The following PLXNA4 variants were observed in gnomAD, a reference collection of about 807,000 sequenced individuals.
PLXNA4 encodes plexin A4.
Under a neutral mutation model 191.8 loss-of-function variants are expected in PLXNA4, and 44 were observed. The ratio of observed to expected loss-of-function variants is 0.23; its 90% CI spans 0.18 to 0.29. PLXNA4 has a LOEUF of 0.29. Ranked by LOEUF, PLXNA4 falls within the 10% of genes least tolerant of loss-of-function variation. The probability of loss-of-function intolerance (pLI) is 1.00; values close to 1 mark genes in which losing one functional copy is unlikely to be tolerated. For missense variants in PLXNA4, 1,800 were observed against 2,488.8 expected (o/e 0.72, Z 5.89); for synonymous variants, 1,082 against 1,009.5 (o/e 1.07, Z -1.36).
At chr7:132,364,349 C>T (rs1040949052) in intron 3 of PLXNA4, among the ~76,000 whole-genome samples, 1 of 152,188 alleles carries the variant, frequency 6.6e-6, no homozygotes, top group African/African-American at 2.4e-5. Context: ...TTTCTTTGTT[C>T]CCCAAAGCTC....
intron 3 of PLXNA4, among the ~76,000 whole-genome samples, chr7:132,337,526 T>A (rs1001289756): frequency 6.6e-6 from 1 of 152,220 alleles, no homozygotes; most frequent in Non-Finnish European, 1.5e-5. Context: ...ATGCCACCAG[T>A]AAAGCCCTCC....
chr7:132,330,914 AG>A (rs1464866814), intron 3 of PLXNA4, among the ~76,000 whole-genome samples: 1 of 152,224 alleles, frequency 6.6e-6, no homozygotes, highest in African/African-American at 2.4e-5. Flanking sequence ...AGGCTGACCA[AG>A]GGCAGGAACA....
At chr7:132,303,508 G>T (rs1213698567) in intron 3 of PLXNA4, among the ~76,000 whole-genome samples, 1 of 152,120 alleles carries the variant, frequency 6.6e-6, no homozygotes, top group Non-Finnish European at 1.5e-5. Context: ...GGCGGAGGTT[G>T]CAGTCAGCCA....
intron 1 of PLXNA4, among the ~76,000 whole-genome samples, chr7:132,536,233 T>C (rs1411414692): frequency 2.0e-5 from 3 of 152,220 alleles, no homozygotes; most frequent in Non-Finnish European, 4.4e-5. Flanking sequence ...TTTGCGGTTA[T>C]TATTGCCATC....
chr7:132,129,080 TGCCAAG>T lies in PLXNA4; in HGVS notation c.*1393_*1398del, dbSNP rs1455157117. On this transcript the variant is annotated 3_prime_UTR_variant, in exon 32 of 32. Coordinates refer to ENST00000321063, the MANE Select transcript of PLXNA4 (RefSeq NM_020911.2). ...ATGTAAGAACAGATGGGGAGATGGA[TGCCAAG>T]GCCAAGGTCATTTGTATGTCCCTCT... The T allele has an allele frequency of 2.0e-5, 3 of 152,258 alleles. No homozygotes were observed. The highest frequency in any genetic ancestry group is 4.4e-5 in the Non-Finnish European group (3 of 68,050). The allele number at this position is 152,258 out of a possible 1,614,324, so 9.4% of individuals were successfully genotyped here.
chr7:132,180,500 C>A, intron 19 of PLXNA4, 86 bp downstream of exon 19: 3 of 1,573,376 alleles, frequency 1.9e-6, no homozygotes, highest in Non-Finnish European at 2.6e-6. Context: ...GGGACAGAAT[C>A]CCCTCTTGGA....
Position 132,124,375 on chromosome 7 carries a change from T to C in PLXNA4, c.*6104A>G, listed in dbSNP as rs1794714121. ...GTGCCTGGATTGCGGCTGACTTCTG[T>C]GCACGAAAGTGTTCCTTAGTCCTGT... On this transcript the variant is annotated 3_prime_UTR_variant, in exon 32 of 32. Coordinates refer to ENST00000321063, the MANE Select transcript of PLXNA4 (RefSeq NM_020911.2). 1 of 152,214 alleles carries C rather than the reference T, an allele frequency of 6.6e-6. No individual in the cohort carries two copies. The highest frequency in any genetic ancestry group is 6.5e-5 in the Admixed American group (1 of 15,278). The allele number at this position is 152,214 out of a possible 1,614,324, so 9.4% of individuals were successfully genotyped here. A position where few individuals can be genotyped will look rare whatever the true frequency, so the allele number is the denominator to read the frequency against.
intron 4 of PLXNA4, among the ~76,000 whole-genome samples, chr7:132,243,478 C>A (rs1031809728): frequency 5.9e-5 from 9 of 152,170 alleles, no homozygotes; most frequent in Admixed American, 2.6e-4. Flanking sequence ...ATCTGAAATT[C>A]TCAAAAACCT....
At chr7:132,444,016 T>C (rs277494) in intron 3 of PLXNA4, among the ~76,000 whole-genome samples, 137,547 of 152,230 alleles carry the variant, frequency 0.9, 62,404 homozygotes, top group East Asian at 1. Context: ...GTTCTTTCTC[T>C]GCAAATGCCT....
chr7:132,646,477 G>A (rs76133028), intron 1 of PLXNA4, among the ~76,000 whole-genome samples: 13,201 of 152,094 alleles, frequency 0.087, 981 homozygotes, highest in East Asian at 0.35. Context: ...GTTTAGATAC[G>A]GTCATGACAG....
chr7:132,357,514 G>A lies in PLXNA4; in HGVS notation c.1372-59292C>T, dbSNP rs546503226. Among the ~76,000 whole-genome samples, 73 of 152,274 alleles carry A rather than the reference G, an allele frequency of 4.8e-4. 1 individual carries two copies. The highest frequency in any genetic ancestry group is 1.7e-3 in the African/African-American group (69 of 41,542). ...AGTGCAATAGTTTGGTCCTGAATCC[G>A]TGTTCAGTTTGGAATCTTAAGAGAC... On this transcript the variant is annotated intron_variant, in intron 3 of 31. Transcript: ENST00000321063.
intron 3 of PLXNA4, among the ~76,000 whole-genome samples, chr7:132,305,554 C>T (rs773615156): frequency 6.6e-6 from 1 of 152,194 alleles, no homozygotes; most frequent in Non-Finnish European, 1.5e-5. Context: ...ATCCCTGGCA[C>T]GGTGAGTCTC....
intron 3 of PLXNA4, among the ~76,000 whole-genome samples, chr7:132,389,579 G>A (rs1487815541): frequency 2.6e-5 from 4 of 152,168 alleles, no homozygotes; most frequent in Non-Finnish European, 4.4e-5. Flanking sequence ...GATGGTTGTA[G>A]ATGTGTGGAA....
intron 3 of PLXNA4, among the ~76,000 whole-genome samples, chr7:132,418,616 C>T (rs972062191): frequency 6.6e-6 from 1 of 152,216 alleles, no homozygotes; most frequent in African/African-American, 2.4e-5. Flanking sequence ...TGGGCACCGC[C>T]TGGAGAAAGG....
At chr7:132,271,723 G>A (rs551628104) in intron 4 of PLXNA4, among the ~76,000 whole-genome samples, 5 of 152,250 alleles carry the variant, frequency 3.3e-5, no homozygotes, top group Non-Finnish European at 2.9e-5. Context: ...ATTCAACAGA[G>A]ACCATGGGAT....
intron 4 of PLXNA4, among the ~76,000 whole-genome samples, chr7:132,252,863 T>C: frequency 6.6e-6 from 1 of 152,192 alleles, no homozygotes. Flanking sequence ...TCGTGGCACA[T>C]CTACACTCTA....
chr7:132,228,590 G>T, intron 5 of PLXNA4, 121 bp from the exon 6 acceptor site: 1 of 1,298,716 alleles, frequency 7.7e-7, no homozygotes, highest in Non-Finnish European at 1.0e-6. Flanking sequence ...TGCGCCCAGA[G>T]CTAACCTTTT....
At chr7:132,462,552 A>T (rs988019982) in intron 3 of PLXNA4, among the ~76,000 whole-genome samples, 1 of 152,170 alleles carries the variant, frequency 6.6e-6, no homozygotes, top group African/African-American at 2.4e-5. Context: ...TTTAAGGTTC[A>T]TAGAGAAAAA....
chr7:132,621,012 A>G (rs1366989416), intron 2 of PLXNA4, among the ~76,000 whole-genome samples: 1 of 152,104 alleles, frequency 6.6e-6, no homozygotes, highest in Admixed American at 6.6e-5. Flanking sequence ...TTTTCTTATA[A>G]GGGCACTAAT....
Sources: gnomAD v4.1 joint callset for allele counts (sites outside exome capture counted in the v4.1 genomes callset) on GRCh38, gnomAD v4.1.1 for gene constraint, MANE v1.5 for transcripts, NCBI Gene and HGNC (gene_info 2026-07-23, HGNC 2026-07-21) for gene names.